Variants in NCKAP5 observed in about 807,000 individuals in gnomAD.
The protein encoded by NCKAP5 is NCK associated protein 5.
NCKAP5 carries 92 observed loss-of-function variants against 167.0 expected under a neutral mutation model. That is an observed-to-expected ratio of 0.55 (90% CI 0.47 to 0.66). The LOEUF is 0.66. Among genes scored for constraint, NCKAP5 ranks in the 30% least tolerant of loss-of-function variants. NCKAP5 has a pLI of 0.00. For missense variants in NCKAP5, 2,378 were observed against 2,315.0 expected (o/e 1.03, Z -0.56); for synonymous variants, 891 against 877.4 (o/e 1.02, Z -0.27).
intron 3 of NCKAP5, among the ~76,000 whole-genome samples, chr2:133,403,715 G>A (rs1435566): frequency 0.19 from 28,758 of 152,178 alleles, 2,747 homozygotes; most frequent in Non-Finnish European, 0.2. Context: ...CTTTGGGCAC[G>A]TTTCCTGTGA....
rs567960138 is a variant in NCKAP5, at chr2:133,413,960, G to A, written c.69+103498C>T. Among the ~76,000 whole-genome samples, 28 of 152,322 alleles carry A rather than the reference G, an allele frequency of 1.8e-4. No individual in the cohort carries two copies. In the East Asian group the frequency reaches 5.2e-3, roughly 28 times the overall value. ...TCTGAGTTCACACAATTTGTCTGGA[G>A]TTGAACACTACATCATGAATAAGAA... On this transcript the variant is annotated intron_variant, in intron 3 of 19. Coordinates refer to ENST00000409261, the MANE Select transcript of NCKAP5 (RefSeq NM_207363.3).
chr2:133,038,974 G>C (rs984610036), intron 6 of NCKAP5, among the ~76,000 whole-genome samples: 8 of 152,114 alleles, frequency 5.3e-5, no homozygotes, highest in Non-Finnish European at 5.9e-5. Flanking sequence ...CACATCACAG[G>C]ATCCCAGTTC....
the NCKAP5 span, among the ~76,000 whole-genome samples, chr2:133,591,840 T>A: frequency 1.2e-3 from 176 of 152,308 alleles, no homozygotes; most frequent in Non-Finnish European, 1.8e-3. Flanking sequence ...ATTTTAATCA[T>A]AAAAGCAGTT....
chr2:133,038,099 C>T (rs1216672845), intron 6 of NCKAP5, among the ~76,000 whole-genome samples: 1 of 152,134 alleles, frequency 6.6e-6, no homozygotes, highest in African/African-American at 2.4e-5. Flanking sequence ...CCATATGATC[C>T]AGCAATCTTA....
chr2:133,025,852 A>C (rs2078677771), intron 6 of NCKAP5, among the ~76,000 whole-genome samples: 1 of 152,182 alleles, frequency 6.6e-6, no homozygotes, highest in Non-Finnish European at 1.5e-5. Context: ...TCCACAGTAC[A>C]TGTGCATCAT....
the NCKAP5 span, among the ~76,000 whole-genome samples, chr2:133,599,293 A>T: frequency 6.6e-6 from 1 of 152,200 alleles, no homozygotes; most frequent in East Asian, 1.9e-4. Context: ...CTTTGAGAAT[A>T]ATTGTGAGGT....
intron 7 of NCKAP5, among the ~76,000 whole-genome samples, chr2:132,982,994 G>A (rs141501687): frequency 1.1e-4 from 16 of 152,042 alleles, no homozygotes; most frequent in African/African-American, 2.9e-4. Flanking sequence ...GATTTCTTTC[G>A]GCAGTGTTTT....
chr2:132,784,256 C>G lies in NCKAP5; in HGVS notation c.2555G>C (p.Ser852Thr). ...GKLSRFMKTE[S>T]SGPLFELRSD... ...TCGTAATTCAAAGAGGGGCCCTGAGCTCTCAGTCTTCATGAATCGTGAGAG... is the reference window on the plus strand; with the variant it reads ...TCGTAATTCAAAGAGGGGCCCTGAGGTCTCAGTCTTCATGAATCGTGAGAG... The change falls in exon 14 of 20, where the codon AGC becomes ACC. Residue 852 changes from serine (S) to threonine (T), a missense_variant. Physicochemically the swap from Ser to Thr is moderately conservative, Grantham distance 58 (BLOSUM62 1). This residue lies in a region of NCKAP5 where 1,049 missense variants were observed against 1,023.4 expected (regional missense o/e 1.02). Transcript: ENST00000409261. The G allele has an allele frequency of 6.2e-7, 1 of 1,608,838 alleles. No individual in the cohort carries two copies. Among genetic ancestry groups the G allele is most frequent in the South Asian group, 1.1e-5 (1 of 90,214 alleles).
At chr2:133,619,258 A>G in the NCKAP5 span, among the ~76,000 whole-genome samples, 3 of 138,034 alleles carry the variant, frequency 2.2e-5, no homozygotes, top group Admixed American at 7.4e-5. Flanking sequence ...ATACATATGT[A>G]ACTAACCTGC....
chr2:133,159,461 A>T (rs556953089), intron 5 of NCKAP5, among the ~76,000 whole-genome samples: 1 of 151,928 alleles, frequency 6.6e-6, no homozygotes, highest in Non-Finnish European at 1.5e-5. Flanking sequence ...GATGCCATGT[A>T]TCTGTTGTTT....
intron 3 of NCKAP5, among the ~76,000 whole-genome samples, chr2:133,375,589 C>T (rs1045794207): frequency 6.6e-6 from 1 of 152,152 alleles, no homozygotes; most frequent in Non-Finnish European, 1.5e-5. Flanking sequence ...CCTCTCTCTC[C>T]TCCCACCCTC....
intron 8 of NCKAP5, among the ~76,000 whole-genome samples, chr2:132,934,925 CAGGT>C (rs1696724133): frequency 6.6e-6 from 1 of 152,234 alleles, no homozygotes; most frequent in Non-Finnish European, 1.5e-5. Context: ...TCCCTCTTCA[CAGGT>C]AGCTGCCCTA....
intron 6 of NCKAP5, among the ~76,000 whole-genome samples, chr2:133,109,781 T>C (rs745392410): frequency 4.0e-5 from 6 of 149,218 alleles, no homozygotes; most frequent in Non-Finnish European, 7.4e-5. Flanking sequence ...AAAACTTACG[T>C]AAAACCAAGT....
Position 133,090,726 on chromosome 2 carries a change from C to T in NCKAP5, c.341+39252G>A, listed in dbSNP as rs115949639. On this transcript the variant is annotated intron_variant, in intron 6 of 19. Coordinates refer to ENST00000409261, the MANE Select transcript of NCKAP5 (RefSeq NM_207363.3). ...GGGTAGAAGAAAGGTTAATATCATGCTTTGTTTATGTGTTTGTTTTGCCCT... is the reference window on the plus strand; with the variant it reads ...GGGTAGAAGAAAGGTTAATATCATGTTTTGTTTATGTGTTTGTTTTGCCCT... Among the ~76,000 whole-genome samples, 833 of 150,784 alleles carry T rather than the reference C, an allele frequency of 5.5e-3. 1 individual carries two copies. The highest frequency in any genetic ancestry group is 0.019 in the African/African-American group (786 of 40,394).
chr2:133,587,285 T>C, the NCKAP5 span, among the ~76,000 whole-genome samples: 9 of 151,974 alleles, frequency 5.9e-5, no homozygotes, highest in Non-Finnish European at 1.3e-4. Context: ...TGGAGACCAG[T>C]GGCACCATCC....
At position 133,300,429 on chromosome 2, in the gene NCKAP5, C is replaced by A. The variant is rs1390974516; in HGVS notation, c.143+2608G>T. 7.4e-4 allele frequency among the ~76,000 whole-genome samples: 79 copies of A among 106,814 alleles called. 3 individuals carry two copies. The highest frequency in any genetic ancestry group is 3.1e-3 in the African/African-American group (69 of 22,184). 70.1% of individuals were successfully genotyped at this position (106,814 alleles called of 152,430 possible). A position where few individuals can be genotyped will look rare whatever the true frequency, so the allele number is the denominator to read the frequency against. ...GCAGCACATCAAAAAGCTTATCCAC[C>A]ATGATCAAGTGGGCTTCATCCCTGG... On this transcript the variant is annotated intron_variant, in intron 4 of 19. Coordinates refer to ENST00000409261, the MANE Select transcript of NCKAP5 (RefSeq NM_207363.3).
chr2:132,684,301 G>C (rs975180955), intron 19 of NCKAP5, among the ~76,000 whole-genome samples: 1 of 152,188 alleles, frequency 6.6e-6, no homozygotes, highest in Non-Finnish European at 1.5e-5. Flanking sequence ...GTGTAACTCA[G>C]GGTCTTTCAT....
intron 2 of NCKAP5, among the ~76,000 whole-genome samples, chr2:133,529,156 AC>A (rs1182473761): frequency 6.6e-6 from 1 of 152,152 alleles, no homozygotes; most frequent in Non-Finnish European, 1.5e-5. Context: ...TTTGTAAAAA[AC>A]ATACCATATT....
At chr2:133,292,118 A>C (rs954943898) in intron 4 of NCKAP5, among the ~76,000 whole-genome samples, 3 of 152,128 alleles carry the variant, frequency 2.0e-5, no homozygotes, top group African/African-American at 7.2e-5. Flanking sequence ...TAAGCAAACA[A>C]ATGACTTATT....
Sources: gnomAD v4.1 joint callset for allele counts (sites outside exome capture counted in the v4.1 genomes callset) on GRCh38, gnomAD v4.1.1 for gene constraint, gnomAD v4.1.1 regional missense constraint, MANE v1.5 for transcripts, NCBI Gene and HGNC (gene_info 2026-07-23, HGNC 2026-07-21) for gene names.